The following SLC8A1 variants were observed in gnomAD, a reference collection of about 807,000 sequenced individuals.
SLC8A1 encodes sodium/calcium exchanger 1.
Under a neutral mutation model 68.3 loss-of-function variants are expected in SLC8A1, and 18 were observed. The ratio of observed to expected loss-of-function variants is 0.26; its 90% CI spans 0.18 to 0.39. SLC8A1 has a LOEUF of 0.39. SLC8A1 is among the 10% of genes least tolerant of loss of function. The pLI, the probability that SLC8A1 is intolerant of heterozygous loss-of-function variation, is 1.00. For missense variants in SLC8A1, 985 were observed against 1,156.7 expected (o/e 0.85, Z 2.15); for synonymous variants, 475 against 415.5 (o/e 1.14, Z -1.74).
intron 1 of SLC8A1, among the ~76,000 whole-genome samples, chr2:40,444,586 G>A (rs1025419291): frequency 5.9e-5 from 9 of 152,138 alleles, no homozygotes; most frequent in African/African-American, 2.2e-4. Flanking sequence ...TACTGTGTGT[G>A]TCAAGAGTTG....
intron 2 of SLC8A1, among the ~76,000 whole-genome samples, chr2:40,403,162 C>T (rs1421737611): frequency 3.3e-5 from 5 of 152,060 alleles, no homozygotes. Context: ...GAATATGAAA[C>T]ATTAAAAAGG....
At chr2:40,277,800 A>ATATATATATATATATATATATGTGTGTG (rs2066942797) in intron 2 of SLC8A1, among the ~76,000 whole-genome samples, 1 of 68,326 alleles carries the variant, frequency 1.5e-5, no homozygotes, top group African/African-American at 9.5e-5. Flanking sequence ...GTGTGTATAT[A>ATATATATATATATATATATATGTGTGTG]TATATATATA....
At chr2:40,423,465 T>C (rs901796898) in intron 2 of SLC8A1, among the ~76,000 whole-genome samples, 1 of 152,034 alleles carries the variant, frequency 6.6e-6, no homozygotes, top group African/African-American at 2.4e-5. Flanking sequence ...ATCTGTAGCT[T>C]ATTAAGTATG....
intron 2 of SLC8A1, among the ~76,000 whole-genome samples, chr2:40,262,787 G>A (rs1392467468): frequency 3.3e-5 from 5 of 152,098 alleles, no homozygotes; most frequent in Non-Finnish European, 7.4e-5. Flanking sequence ...AGGCCAGCTT[G>A]CCCTAAACAA....
chr2:40,356,882 C>A (rs1300694368), intron 2 of SLC8A1, among the ~76,000 whole-genome samples: 1 of 152,156 alleles, frequency 6.6e-6, no homozygotes, highest in Admixed American at 6.6e-5. Flanking sequence ...AACCTTACAT[C>A]TCCTTAAGCC....
chr2:40,415,859 T>TACACACACACACACACAC (rs70957173), intron 2 of SLC8A1, among the ~76,000 whole-genome samples: 1 of 113,588 alleles, frequency 8.8e-6, no homozygotes, highest in South Asian at 3.4e-4. Context: ...ACTAAAAGTA[T>TACACACACACACACACAC]ACACACACAC....
intron 1 of SLC8A1, among the ~76,000 whole-genome samples, chr2:40,482,086 G>T (rs1704664831): frequency 1.3e-5 from 2 of 152,134 alleles, no homozygotes; most frequent in African/African-American, 4.8e-5. Context: ...ATATTTTATT[G>T]TGGTAAGAAT....
intron 2 of SLC8A1, among the ~76,000 whole-genome samples, chr2:40,307,396 G>T (rs761488488): frequency 1.2e-4 from 19 of 152,116 alleles, no homozygotes; most frequent in Admixed American, 2.0e-4. Flanking sequence ...AGGGGAAAAG[G>T]GGAGTTGTTT....
At chr2:40,451,738 CACACA>C (rs747247174) in intron 1 of SLC8A1, among the ~76,000 whole-genome samples, 161 bp downstream of exon 1, 1 of 3,222 alleles carries the variant, frequency 3.1e-4, no homozygotes, top group African/African-American at 1.3e-3. Context: ...CACACCACAT[CACACA>C]CACACACACA....
chr2:40,480,405 C>T (rs1039329159), intron 1 of SLC8A1, among the ~76,000 whole-genome samples: 8 of 152,136 alleles, frequency 5.3e-5, no homozygotes, highest in Non-Finnish European at 8.8e-5. Context: ...GAGAGACTCT[C>T]ACCCCTTGCA....
intron 2 of SLC8A1, among the ~76,000 whole-genome samples, chr2:40,340,459 G>A (rs1667336948): frequency 6.6e-6 from 1 of 152,182 alleles, no homozygotes; most frequent in Non-Finnish European, 1.5e-5. Flanking sequence ...TACTCAGGAG[G>A]CTGAGGCAGG....
At chr2:40,393,938 C>T (rs1368859296) in intron 2 of SLC8A1, among the ~76,000 whole-genome samples, 5 of 152,088 alleles carry the variant, frequency 3.3e-5, no homozygotes, top group Non-Finnish European at 5.9e-5. Flanking sequence ...GCCCTGAGAA[C>T]ACAGCTGGGT....
chr2:40,464,507 A>G (rs1420157374), intron 1 of SLC8A1, among the ~76,000 whole-genome samples: 1 of 152,226 alleles, frequency 6.6e-6, no homozygotes, highest in Non-Finnish European at 1.5e-5. Flanking sequence ...AAGAGGTTCC[A>G]AAAGAATTGC....
At chr2:40,147,928 T>C (rs1338448719) in intron 6 of SLC8A1, among the ~76,000 whole-genome samples, 1 of 152,158 alleles carries the variant, frequency 6.6e-6, no homozygotes, top group Non-Finnish European at 1.5e-5. Flanking sequence ...GGTATTATTT[T>C]CTCTGTTTTA....
At chr2:40,425,458 A>C (rs997711546) in intron 2 of SLC8A1, among the ~76,000 whole-genome samples, 1 of 151,838 alleles carries the variant, frequency 6.6e-6, no homozygotes, top group Non-Finnish European at 1.5e-5. Flanking sequence ...TACCTTTGTT[A>C]GGGACTTCTT....
At chr2:40,329,763 A>T (rs758404801) in intron 2 of SLC8A1, among the ~76,000 whole-genome samples, 17 of 151,952 alleles carry the variant, frequency 1.1e-4, no homozygotes, top group Non-Finnish European at 2.2e-4. Flanking sequence ...AGCAGGGAAG[A>T]CTCCCAGGTT....
exon 8 of SLC8A1, chr2:40,102,884 A>G (rs2033980180): frequency 6.6e-6 from 1 of 152,226 alleles, no homozygotes; most frequent in Non-Finnish European, 1.5e-5. Context: ...AAATAGCTCT[A>G]TATAGAAATT....
chr2:40,287,832 TCTGCTG>T (rs1361789021), intron 2 of SLC8A1, among the ~76,000 whole-genome samples: 1 of 151,930 alleles, frequency 6.6e-6, no homozygotes, highest in Non-Finnish European at 1.5e-5. Flanking sequence ...TTCCCTTTGC[TCTGCTG>T]CTTGTCACTC....
intron 2 of SLC8A1, among the ~76,000 whole-genome samples, chr2:40,306,892 T>C (rs1314462530): frequency 6.6e-6 from 1 of 152,148 alleles, no homozygotes; most frequent in South Asian, 2.1e-4. Context: ...AGAGAATAAA[T>C]CTCTGATTTT....
Sources: gnomAD v4.1 joint callset for allele counts (sites outside exome capture counted in the v4.1 genomes callset) on GRCh38, gnomAD v4.1.1 for gene constraint, MANE v1.5 for transcripts, NCBI Gene and HGNC (gene_info 2026-07-23, HGNC 2026-07-21) for gene names.